The following ATP1B1 variants were observed in gnomAD, a reference collection of about 807,000 sequenced individuals.
The protein encoded by ATP1B1 is ATPase Na+/K+ transporting subunit beta 1.
In ATP1B1, 3 loss-of-function variants were observed where a neutral mutation model predicts 39.6. That is an observed-to-expected ratio of 0.08 (90% CI 0.03 to 0.20). The LOEUF is 0.20. Among genes scored for constraint, ATP1B1 ranks in the 10% least tolerant of loss-of-function variants. The probability of loss-of-function intolerance (pLI) is 1.00; values close to 1 mark genes in which losing one functional copy is unlikely to be tolerated. For missense variants in ATP1B1, 216 were observed against 371.1 expected (o/e 0.58, Z 3.43); for synonymous variants, 139 against 135.0 (o/e 1.03, Z -0.20).
rs151010602 is a variant in ATP1B1, at chr1:169,132,319, A to G, written c.*764A>G. 3.3e-3 allele frequency: 1,635 copies of G among 490,768 alleles called. 17 individuals carry two copies. The highest frequency in any genetic ancestry group is 0.03 in the African/African-American group (1,476 of 49,332). 30.4% of individuals were successfully genotyped at this position (490,768 alleles called of 1,614,324 possible). ...CTGTGTCTGAGATCTGGATCTGCCC[A>G]TCACTTTGGCTAGTGACAGGGCTAA... is the stretch of plus-strand genomic sequence containing the variant. On this transcript the variant is annotated 3_prime_UTR_variant, in exon 6 of 6. Transcript: ENST00000367815.
chr1:169,120,861 A>G (rs902857017), intron 2 of ATP1B1, among the ~76,000 whole-genome samples: 1 of 152,238 alleles, frequency 6.6e-6, no homozygotes, highest in East Asian at 1.9e-4. Context: ...CTTCTGGGCC[A>G]GTAGTACCAC....
intron 3 of ATP1B1, among the ~76,000 whole-genome samples, chr1:169,125,545 G>A (rs1658069372): frequency 6.6e-6 from 1 of 152,186 alleles, no homozygotes; most frequent in South Asian, 2.1e-4. Context: ...GCAGCTGATC[G>A]TTTTGGATAA....
chr1:169,112,718 C>A (rs1466936952), intron 2 of ATP1B1, among the ~76,000 whole-genome samples: 1 of 151,962 alleles, frequency 6.6e-6, no homozygotes, highest in East Asian at 1.9e-4. Flanking sequence ...AAGAAAAACT[C>A]AAAATATTTC....
chr1:169,117,888 A>G (rs1310444540), intron 2 of ATP1B1, among the ~76,000 whole-genome samples: 2 of 152,182 alleles, frequency 1.3e-5, no homozygotes, highest in East Asian at 1.9e-4. Flanking sequence ...TGTCATGTAG[A>G]ATGCAGTGTC....
intron 1 of ATP1B1, chr1:169,107,977 G>C (rs1156807803): frequency 6.6e-6 from 1 of 152,040 alleles, no homozygotes; most frequent in Non-Finnish European, 1.5e-5. Flanking sequence ...AACAGAGGCC[G>C]ATTGGTGTTC....
At chr1:169,127,524 G>A (rs1571227573) in intron 4 of ATP1B1, 116 bp downstream of exon 4, 6 of 1,130,076 alleles carry the variant, frequency 5.3e-6, no homozygotes, top group Admixed American at 6.8e-5. Context: ...ACTTTGAAAC[G>A]TAGCCAGTAG....
chr1:169,121,062 C>A (rs1657972258), intron 2 of ATP1B1, among the ~76,000 whole-genome samples: 1 of 151,906 alleles, frequency 6.6e-6, no homozygotes, highest in Non-Finnish European at 1.5e-5. Context: ...ATTCTCGTGC[C>A]TCAGCCTCCC....
chr1:169,130,133 C>A, intron 5 of ATP1B1, 43 bp downstream of exon 5: 1 of 1,545,720 alleles, frequency 6.5e-7, no homozygotes, highest in Non-Finnish European at 8.9e-7. Context: ...GAAGGGTAGG[C>A]AGAGGAAGAG....
In ATP1B1 at chr1:169,131,018, C is replaced by T. The variant is rs566981775; in HGVS notation, c.649-274C>T. Among the ~76,000 whole-genome samples, 1 of 152,292 alleles carries T rather than the reference C, an allele frequency of 6.6e-6. No homozygotes were observed. The highest frequency in any genetic ancestry group is 2.1e-4 in the South Asian group (1 of 4,828). On this transcript the variant is annotated intron_variant, in intron 5 of 5. Transcript: ENST00000367815. The surrounding 1 kb of genome is among the most constrained non-coding windows in gnomAD (Gnocchi z 4.4). ...CTAGACAGATTATTTACTGGGCCAACAGCAAGGTGTTTCTGCCTTTCAATG... is the reference window on the plus strand; with the variant it reads ...CTAGACAGATTATTTACTGGGCCAATAGCAAGGTGTTTCTGCCTTTCAATG...
rs528785196 is a variant in ATP1B1 at position 169,123,448 on chromosome 1, T to A, written c.227-1436T>A. On this transcript the variant is annotated intron_variant, in intron 2 of 5. Transcript: ENST00000367815. ...TAGAGTCACTTATCAAGGATAGTGA[T>A]GATGTGCCTCCTTATGGGCCCCACA... 2.0e-5 allele frequency among the ~76,000 whole-genome samples: 3 copies of A among 152,046 alleles called. No homozygotes were observed. In the South Asian group the frequency reaches 6.2e-4, roughly 32 times the overall value.
intron 3 of ATP1B1, among the ~76,000 whole-genome samples, 182 bp downstream of exon 3, chr1:169,125,221 C>T (rs1892094): frequency 0.41 from 62,220 of 152,022 alleles, 14,505 homozygotes; most frequent in Non-Finnish European, 0.52. Context: ...ACAGTACAGC[C>T]TCAAGTATGA....
At chr1:169,124,517 T>C (rs1658048933) in intron 2 of ATP1B1, among the ~76,000 whole-genome samples, 2 of 152,204 alleles carry the variant, frequency 1.3e-5, no homozygotes, top group Non-Finnish European at 2.9e-5. Flanking sequence ...GTTGGGGTAC[T>C]AGAAACATAA....
intron 1 of ATP1B1, among the ~76,000 whole-genome samples, chr1:169,107,147 A>G (rs906115644): frequency 6.6e-6 from 1 of 152,218 alleles, no homozygotes; most frequent in East Asian, 1.9e-4. Flanking sequence ...GGAACACGAC[A>G]GGCGGAAGGT....
chr1:169,131,595 TAAAA>T lies in ATP1B1; in HGVS notation c.*44_*47del, dbSNP rs376402959. The T allele has an allele frequency of 9.9e-4, 1,547 of 1,566,968 alleles. 14 individuals carry two copies. In the African/African-American group the frequency reaches 0.019, roughly 19 times the overall value. ...CTTTCCCACTAGCCATTTAATAAGTTAAAAAAAGATACAAAAACAAAAACCTACT... is the reference window on the plus strand; with the variant it reads ...CTTTCCCACTAGCCATTTAATAAGTTAAAGATACAAAAACAAAAACCTACT... On this transcript the variant is annotated 3_prime_UTR_variant, in exon 6 of 6. Transcript: ENST00000367815. The surrounding 1 kb of genome is among the most constrained non-coding windows in gnomAD (Gnocchi z 4.4).
intron 4 of ATP1B1, among the ~76,000 whole-genome samples, chr1:169,129,519 C>T (rs934751859): frequency 2.0e-4 from 31 of 152,110 alleles, no homozygotes; most frequent in Admixed American, 1.2e-3. Flanking sequence ...GCAGTCTCCC[C>T]GACTGGAGAT....
chr1:169,111,608 A>G (rs983419521), intron 2 of ATP1B1, 110 bp downstream of exon 2: 35 of 1,420,350 alleles, frequency 2.5e-5, no homozygotes, highest in Non-Finnish European at 3.0e-5. Flanking sequence ...TCTTAAAGCA[A>G]CCATGAAAAG....
rs757275396 is a variant in ATP1B1, at chr1:169,130,131, G to C, written c.648+41G>C. The C allele has an allele frequency of 3.2e-6, 5 of 1,555,098 alleles. No individual in the cohort carries two copies. In the East Asian group the frequency reaches 1.1e-4, roughly 35 times the overall value. ...GGGTTACTGGGGTGGTGGAAGGGTA[G>C]GCAGAGGAAGAGGGGAGAATGAAGA... On this transcript the variant is annotated intron_variant, in intron 5 of 5. Transcript: ENST00000367815.
intron 4 of ATP1B1, among the ~76,000 whole-genome samples, chr1:169,128,040 A>C (rs1658125147): frequency 6.6e-6 from 1 of 152,202 alleles, no homozygotes; most frequent in Non-Finnish European, 1.5e-5. Flanking sequence ...AAAAATGAGC[A>C]AATTGCCATT....
At chr1:169,118,628 TTCTATC>T (rs764452557) in intron 2 of ATP1B1, among the ~76,000 whole-genome samples, 6 of 152,200 alleles carry the variant, frequency 3.9e-5, no homozygotes, top group Admixed American at 6.5e-5. Flanking sequence ...AAGGAGAAAT[TTCTATC>T]TCATATATGT....
Sources: allele counts gnomAD v4.1 joint callset (sites outside exome capture counted in the v4.1 genomes callset), GRCh38; gene constraint gnomAD v4.1.1; non-coding constraint Gnocchi (gnomAD v3.1); transcripts MANE v1.5; gene names NCBI Gene and HGNC (gene_info 2026-07-23, HGNC 2026-07-21).